Variants in MTF2 observed in about 807,000 individuals in gnomAD.
MTF2 encodes metal-response element-binding transcription factor 2.
In MTF2, 11 loss-of-function variants were observed where a neutral mutation model predicts 79.5. The observed-to-expected ratio is 0.14, with a 90% CI of 0.09 to 0.23. The LOEUF is 0.23. Among genes scored for constraint, MTF2 ranks in the 10% least tolerant of loss-of-function variants. The pLI is 1.00. For synonymous variants in MTF2, 208 were observed against 232.8 expected (o/e 0.89, Z 0.97); for missense variants, 486 against 711.2 (o/e 0.68, Z 3.60).
At chr1:93,111,171 G>T (rs990043989) in intron 3 of MTF2, among the ~76,000 whole-genome samples, 1 of 152,084 alleles carries the variant, frequency 6.6e-6, no homozygotes, top group Non-Finnish European at 1.5e-5. Context: ...TTCTTGTGAT[G>T]ATTTCTATTA....
intron 1 of MTF2, among the ~76,000 whole-genome samples, chr1:93,086,500 A>AT (rs1654844378): frequency 6.6e-6 from 1 of 150,984 alleles, no homozygotes; most frequent in Admixed American, 6.6e-5. Flanking sequence ...CTGTCTCAAA[A>AT]AAAAAAAAAA....
chr1:93,129,557 G>C, intron 11 of MTF2, 109 bp downstream of exon 11: 1 of 500,770 alleles, frequency 2.0e-6, no homozygotes, highest in Non-Finnish European at 2.9e-6. Context: ...CAGTTACTCT[G>C]ATTTTTTTTT....
intron 1 of MTF2, among the ~76,000 whole-genome samples, chr1:93,089,879 C>T (rs1010172267): frequency 2.7e-5 from 4 of 148,450 alleles, no homozygotes; most frequent in African/African-American, 9.9e-5. Flanking sequence ...GAGTCTCACT[C>T]TGTCACCGAG....
intron 14 of MTF2, chr1:93,134,436 A>T: frequency 2.2e-6 from 1 of 452,170 alleles, no homozygotes; most frequent in Non-Finnish European, 3.9e-6. Flanking sequence ...GTACACAGAG[A>T]AAAAGTATAC....
intron 3 of MTF2, among the ~76,000 whole-genome samples, chr1:93,113,692 G>A (rs1305188174): frequency 6.6e-6 from 1 of 152,154 alleles, no homozygotes; most frequent in East Asian, 1.9e-4. Flanking sequence ...GTAGTGGAGA[G>A]AACATGGATT....
chr1:93,103,124 T>G (rs957243412), intron 1 of MTF2, among the ~76,000 whole-genome samples: 3 of 150,848 alleles, frequency 2.0e-5, no homozygotes, highest in Non-Finnish European at 4.4e-5. Context: ...ACAGTGAGAC[T>G]AGCTCAAAAA....
intron 11 of MTF2, among the ~76,000 whole-genome samples, chr1:93,129,701 G>GTAC (rs1246096196): frequency 6.6e-6 from 1 of 151,918 alleles, no homozygotes; most frequent in Non-Finnish European, 1.5e-5. Context: ...CAGCTTAAGA[G>GTAC]TACTAGCCTG....
rs1186028209 is a variant in MTF2 at position 93,110,534 on chromosome 1, C to T, written c.205-11C>T. 6 of 1,608,824 alleles carry T rather than the reference C, an allele frequency of 3.7e-6. No individual in the cohort carries two copies. Among genetic ancestry groups the T allele is most frequent in the Non-Finnish European group, 4.3e-6 (5 of 1,175,916 alleles). On this transcript the variant is annotated splice_polypyrimidine_tract_variant and intron_variant, in intron 2 of 14. Coordinates refer to ENST00000370298, the MANE Select transcript of MTF2 (RefSeq NM_007358.4). The stretch of plus-strand genomic sequence containing the variant: ...TAAGAGATCACCGTTAAGTATTTCT[C>T]TGTATTGCAGATAAACATATTGAAA...
chr1:93,135,015 G>C (rs531753353), intron 14 of MTF2, among the ~76,000 whole-genome samples: 6 of 152,042 alleles, frequency 3.9e-5, no homozygotes, highest in African/African-American at 1.4e-4. Flanking sequence ...TGTCACCCAG[G>C]CTGGAGTACA....
intron 1 of MTF2, among the ~76,000 whole-genome samples, chr1:93,101,586 T>TTTTTTG (rs1655544901): frequency 3.4e-5 from 4 of 116,382 alleles, no homozygotes; most frequent in African/African-American, 1.2e-4. Context: ...TTTTTTTTTT[T>TTTTTTG]TTTTTTTTTT....
intron 1 of MTF2, among the ~76,000 whole-genome samples, chr1:93,082,590 T>G: frequency 6.6e-6 from 1 of 152,186 alleles, no homozygotes; most frequent in East Asian, 1.9e-4. Context: ...CCCATTGTTT[T>G]TATTATTTTT....
At chr1:93,125,807 C>A (rs146932334) in intron 9 of MTF2, among the ~76,000 whole-genome samples, 12 of 152,060 alleles carry the variant, frequency 7.9e-5, no homozygotes, top group African/African-American at 2.9e-4. Context: ...TATAATTAGA[C>A]ATAATAATTG....
At chr1:93,111,820 T>C (rs1181009455) in intron 3 of MTF2, among the ~76,000 whole-genome samples, 1 of 152,166 alleles carries the variant, frequency 6.6e-6, no homozygotes, top group Admixed American at 6.5e-5. Context: ...AAAATTATTC[T>C]TTTTTCCTTA....
rs114461815 is a variant in MTF2, at chr1:93,136,504, C to T, written c.1425-166C>T. On this transcript the variant is annotated intron_variant, in intron 14 of 14. Transcript: ENST00000370298. ...CGTGACAAAATCTAAAGTAATGAGC[C>T]CAAGTGATAGTCCATTTATATAGCA... is the stretch of plus-strand genomic sequence containing the variant. Among the ~76,000 whole-genome samples, 1,181 of 152,124 alleles carry T rather than the reference C, an allele frequency of 7.8e-3. 21 individuals are homozygous for T. Among genetic ancestry groups the T allele is most frequent in the African/African-American group, 0.027 (1,128 of 41,470 alleles).
At chr1:93,091,869 T>C (rs1655087152) in intron 1 of MTF2, among the ~76,000 whole-genome samples, 1 of 152,142 alleles carries the variant, frequency 6.6e-6, no homozygotes, top group Admixed American at 6.6e-5. Flanking sequence ...GGAAAGGGAG[T>C]GTGGAGTTTC....
intron 1 of MTF2, among the ~76,000 whole-genome samples, chr1:93,091,728 TTAAC>T (rs1359644401): frequency 6.6e-6 from 1 of 152,242 alleles, no homozygotes; most frequent in Non-Finnish European, 1.5e-5. Context: ...GTCTTTTAAG[TTAAC>T]TAACTTAATT....
intron 1 of MTF2, among the ~76,000 whole-genome samples, chr1:93,091,762 C>T (rs1484439524): frequency 6.6e-6 from 1 of 152,114 alleles, no homozygotes; most frequent in Non-Finnish European, 1.5e-5. Flanking sequence ...ATACATTGTT[C>T]TTGCTTTTCT....
chr1:93,096,991 G>A (rs1655317485), intron 1 of MTF2, among the ~76,000 whole-genome samples: 1 of 151,482 alleles, frequency 6.6e-6, no homozygotes, highest in Admixed American at 6.6e-5. Context: ...TTAATTTTTT[G>A]TAGAGATGCG....
chr1:93,110,464 A>G (rs748853648), intron 2 of MTF2, 36 bp downstream of exon 2: 42 of 1,609,628 alleles, frequency 2.6e-5, no homozygotes, highest in Non-Finnish European at 3.2e-5. Flanking sequence ...CTGTTTTTGC[A>G]GTAAGCATTT....
Sources: gnomAD v4.1 joint callset for allele counts (sites outside exome capture counted in the v4.1 genomes callset) on GRCh38, gnomAD v4.1.1 for gene constraint, MANE v1.5 for transcripts, NCBI Gene and HGNC (gene_info 2026-07-23, HGNC 2026-07-21) for gene names.